The following PKD2L2 variants were observed in gnomAD, a reference collection of about 807,000 sequenced individuals.
The protein encoded by PKD2L2 is polycystin-2-like protein 2.
In PKD2L2, 67 loss-of-function variants were observed where a neutral mutation model predicts 83.9. The observed-to-expected ratio is 0.80, with a 90% CI of 0.66 to 0.98. The LOEUF is 0.98. Among genes scored for constraint, PKD2L2 ranks in the 50% least tolerant of loss-of-function variants. The pLI, the probability that PKD2L2 is intolerant of heterozygous loss-of-function variation, is 0.00. For missense variants in PKD2L2, 632 were observed against 717.2 expected (o/e 0.88, Z 1.36); for synonymous variants, 223 against 237.8 (o/e 0.94, Z 0.57).
intron 14 of PKD2L2, 130 bp downstream of exon 14, chr5:137,936,557 G>A: frequency 5.0e-6 from 3 of 604,900 alleles, no homozygotes; most frequent in Non-Finnish European, 8.2e-6. Context: ...CCGGGTTCAA[G>A]CGATTCTCCT....
rs941267549 is a variant in PKD2L2, at chr5:137,894,379, T to G, written c.294T>G (p.Gly98=). The change falls in exon 4 of 15, where the codon GGT becomes GGG. Residue 98 remains glycine, a synonymous_variant. Coordinates refer to ENST00000508883, the MANE Select transcript of PKD2L2 (RefSeq NM_001300921.2). ...TTATGGAAGGACCCCTTTTGGAAGG[T>G]CTGTACTGGGATTCATGGTACAATA... ...WKFMEGPLLE[G]LYWDSWYNNQ... The G allele has an allele frequency of 1.2e-6, 2 of 1,610,052 alleles. No homozygotes were observed. The highest frequency in any genetic ancestry group is 1.7e-6 in the Non-Finnish European group (2 of 1,179,550).
At chr5:137,890,782 C>A (rs1419890156) in intron 2 of PKD2L2, among the ~76,000 whole-genome samples, 200 bp downstream of exon 2, 2 of 152,140 alleles carry the variant, frequency 1.3e-5, no homozygotes, top group Non-Finnish European at 2.9e-5. Context: ...TCTTAAGGGG[C>A]AAAATTTTAC....
At position 137,894,463 on chromosome 5, in the gene PKD2L2, A is replaced by G; in HGVS notation, c.378A>G (p.Leu126=). ...GCATCTACTATGAAAATATACTTCT[A>G]GGAGTTCCCAGAGTTCGTCAACTAA... The part of the protein sequence containing the change: ...SSRIYYENIL[L]GVPRVRQLKV... Residue 126 remains leucine, a synonymous_variant, in exon 4 of 15, where the codon CTA becomes CTG. Coordinates refer to ENST00000508883, the MANE Select transcript of PKD2L2 (RefSeq NM_001300921.2). 6.2e-7 allele frequency: 1 copy of G among 1,613,856 alleles called. No individual in the cohort carries two copies. The highest frequency in any genetic ancestry group is 2.2e-5 in the East Asian group (1 of 44,868).
At chr5:137,890,125 A>C (rs912931454) in intron 1 of PKD2L2, 1 of 171,242 alleles carries the variant, frequency 5.8e-6, no homozygotes, top group African/African-American at 2.4e-5. Context: ...TCTACTAAAA[A>C]TACGAAAATT....
In PKD2L2 at chr5:137,894,606, C is replaced by T. The variant is rs750709592; in HGVS notation, c.521C>T (p.Thr174Ile). 6.2e-7 allele frequency: 1 copy of T among 1,605,380 alleles called. No homozygotes were observed. Among genetic ancestry groups the T allele is most frequent in the Admixed American group, 1.7e-5 (1 of 59,694 alleles). Reference sequence around the variant, plus strand: ...TCTAATTTTGGCCTTCAAATTAATACTGAGTAAGTAGCATAAAATTATACT... The same window carrying T: ...TCTAATTTTGGCCTTCAAATTAATATTGAGTAAGTAGCATAAAATTATACT... ...DLSNFGLQINTEWRYSTSNTN... is the reference protein window; with the variant it reads ...DLSNFGLQINIEWRYSTSNTN... The change falls in exon 4 of 15, where the codon ACT (threonine) becomes ATT (isoleucine). Residue 174 changes from threonine (T) to isoleucine (I), a missense_variant. Thr to Ile is a moderately conservative substitution (Grantham distance 89, BLOSUM62 -1). This residue lies in a region of PKD2L2 where 229 missense variants were observed against 281.5 expected (regional missense o/e 0.81). Coordinates refer to ENST00000508883, the MANE Select transcript of PKD2L2 (RefSeq NM_001300921.2).
At chr5:137,898,173 G>T (rs529416694) in intron 4 of PKD2L2, among the ~76,000 whole-genome samples, 2 of 151,994 alleles carry the variant, frequency 1.3e-5, no homozygotes, top group African/African-American at 4.8e-5. Context: ...CACCATGTTG[G>T]CCAGGCTGGT....
rs1756259426 is a variant in PKD2L2, at chr5:137,894,380, C to A, written c.295C>A (p.Leu99Met). 2 of 1,609,896 alleles carry A rather than the reference C, an allele frequency of 1.2e-6. No homozygotes were observed. Among genetic ancestry groups the A allele is most frequent in the South Asian group, 2.2e-5 (2 of 90,992 alleles). Residue 99 changes from leucine (L) to methionine (M), a missense_variant, in exon 4 of 15, where the codon CTG (leucine) becomes ATG (methionine). Around this residue, in one of 3 missense-constraint regions of PKD2L2, gnomAD observed 229 missense variants for 281.5 expected, o/e 0.81. Transcript: ENST00000508883. ...KFMEGPLLEG[L>M]YWDSWYNNQQ... ...TATGGAAGGACCCCTTTTGGAAGGTCTGTACTGGGATTCATGGTACAATAA... is the reference window on the plus strand; with the variant it reads ...TATGGAAGGACCCCTTTTGGAAGGTATGTACTGGGATTCATGGTACAATAA...
At chr5:137,925,836 T>G in intron 11 of PKD2L2, 39 bp from the exon 12 acceptor site, 1 of 1,345,700 alleles carries the variant, frequency 7.4e-7, no homozygotes, top group Non-Finnish European at 1.1e-6. Context: ...CCTTTCTTAT[T>G]GTCATTTGCC....
intron 4 of PKD2L2, among the ~76,000 whole-genome samples, chr5:137,896,431 G>T (rs1229605345): frequency 6.6e-6 from 1 of 151,704 alleles, no homozygotes; most frequent in Non-Finnish European, 1.5e-5. Flanking sequence ...TTTCGTTAGG[G>T]GCAGGATCTC....
intron 9 of PKD2L2, 129 bp downstream of exon 9, chr5:137,921,885 C>A: frequency 1.4e-6 from 1 of 705,066 alleles, no homozygotes; most frequent in Non-Finnish European, 2.3e-6. Context: ...TTGTGTGGAT[C>A]CCTAGTAATC....
At chr5:137,898,255 T>C (rs1021376681) in intron 4 of PKD2L2, among the ~76,000 whole-genome samples, 2 of 152,014 alleles carry the variant, frequency 1.3e-5, no homozygotes, top group African/African-American at 4.8e-5. Context: ...GCATGAGCCA[T>C]TGCACGGGAT....
At chr5:137,916,017 T>C (rs966296636) in intron 8 of PKD2L2, among the ~76,000 whole-genome samples, 5 of 127,142 alleles carry the variant, frequency 3.9e-5, no homozygotes, top group Admixed American at 9.3e-5. Flanking sequence ...CAATTATGTA[T>C]ACACACATTT....
At chr5:137,939,760 T>A in intron 14 of PKD2L2, 1 of 754,848 alleles carries the variant, frequency 1.3e-6, no homozygotes, top group Non-Finnish European at 1.7e-6. Context: ...CAGTTGCGTA[T>A]GTGCACTTTT....
intron 6 of PKD2L2, among the ~76,000 whole-genome samples, chr5:137,907,148 A>C (rs767807003): frequency 2.6e-5 from 4 of 152,354 alleles, no homozygotes; most frequent in Non-Finnish European, 5.9e-5. Context: ...AACAGATTGA[A>C]GGTTTCTGAG....
intron 7 of PKD2L2, among the ~76,000 whole-genome samples, 174 bp downstream of exon 7, chr5:137,908,086 A>G (rs114930760): frequency 0.011 from 1,732 of 152,272 alleles, 28 homozygotes; most frequent in African/African-American, 0.04. Flanking sequence ...AGGCCAAGGC[A>G]GGTAGATTCT....
At chr5:137,916,919 TTTTGAG>T (rs1381463475) in intron 8 of PKD2L2, among the ~76,000 whole-genome samples, 2 of 152,168 alleles carry the variant, frequency 1.3e-5, no homozygotes, top group African/African-American at 4.8e-5. Flanking sequence ...TGTCTTTGGC[TTTTGAG>T]TTTGACTATA....
At chr5:137,918,832 C>T (rs1758615360) in intron 8 of PKD2L2, among the ~76,000 whole-genome samples, 2 of 138,790 alleles carry the variant, frequency 1.4e-5, no homozygotes, top group South Asian at 5.0e-4. Context: ...TTCTCTTCCA[C>T]CTTCCAAGAA....
chr5:137,937,638 T>C (rs997700343), intron 14 of PKD2L2, among the ~76,000 whole-genome samples: 1 of 152,244 alleles, frequency 6.6e-6, no homozygotes, highest in African/African-American at 2.4e-5. Context: ...TTTAGATTAC[T>C]ACTCACCTTC....
At chr5:137,917,238 T>A (rs1758456725) in intron 8 of PKD2L2, among the ~76,000 whole-genome samples, 1 of 151,364 alleles carries the variant, frequency 6.6e-6, no homozygotes, top group African/African-American at 2.4e-5. Flanking sequence ...GATCTTAGCT[T>A]ACTGCAGACT....
Sources: allele counts gnomAD v4.1 joint callset (sites outside exome capture counted in the v4.1 genomes callset), GRCh38; gene constraint gnomAD v4.1.1; regional missense constraint gnomAD v4.1.1; transcripts MANE v1.5; gene names NCBI Gene and HGNC (gene_info 2026-07-23, HGNC 2026-07-21).